Variants in SAMTOR observed in about 807,000 individuals in gnomAD.
SAMTOR encodes the protein UPF0532 protein C7orf60.
At chr7:112,902,172 G>A in the SAMTOR span, among the ~76,000 whole-genome samples, 1 of 151,946 alleles carries the variant, frequency 6.6e-6, no homozygotes, top group Non-Finnish European at 1.5e-5. Context: ...GGAGGCCGAG[G>A]TGGGTGGATC....
chr7:112,894,202 GGGAGAGA>G, the SAMTOR span, among the ~76,000 whole-genome samples: 1 of 151,790 alleles, frequency 6.6e-6, no homozygotes, highest in Non-Finnish European at 1.5e-5. Context: ...GGGAAGAGTG[GGGAGAGA>G]GGAGAGGGGA....
chr7:112,886,607 T>C, the SAMTOR span, among the ~76,000 whole-genome samples: 1 of 152,338 alleles, frequency 6.6e-6, no homozygotes, highest in African/African-American at 2.4e-5. Flanking sequence ...CAGCTTATGT[T>C]TGAGCCGTAC....
At chr7:112,821,594 T>A in the SAMTOR span, 1 of 677,414 alleles carries the variant, frequency 1.5e-6, no homozygotes, top group South Asian at 3.0e-5. Flanking sequence ...ATTTTAAAAT[T>A]GAGAAGTAGA....
chr7:112,839,511 T>C, the SAMTOR span, among the ~76,000 whole-genome samples: 2 of 151,786 alleles, frequency 1.3e-5, no homozygotes, highest in Non-Finnish European at 2.9e-5. Context: ...CTGGCAGACA[T>C]CACCTTAGTC....
the SAMTOR span, among the ~76,000 whole-genome samples, chr7:112,831,572 T>C: frequency 3.4e-4 from 51 of 152,124 alleles, no homozygotes; most frequent in Non-Finnish European, 5.4e-4. Context: ...GGAGAATCAC[T>C]GGAACCCGGG....
At chr7:112,852,780 C>T in the SAMTOR span, among the ~76,000 whole-genome samples, 1 of 151,896 alleles carries the variant, frequency 6.6e-6, no homozygotes, top group East Asian at 1.9e-4. Context: ...TAATATACAT[C>T]TAACAGCAGC....
the SAMTOR span, among the ~76,000 whole-genome samples, chr7:112,854,161 T>A: frequency 6.6e-6 from 1 of 152,134 alleles, no homozygotes. Context: ...TTAGAAAATA[T>A]CTGACTCTGC....
chr7:112,917,230 G>A, the SAMTOR span, among the ~76,000 whole-genome samples: 5 of 152,146 alleles, frequency 3.3e-5, no homozygotes, highest in Non-Finnish European at 7.3e-5. Context: ...CACCTCACAC[G>A]GCCGGGTACT....
the SAMTOR span, chr7:112,832,427 G>A: frequency 1.6e-6 from 1 of 632,278 alleles, no homozygotes; most frequent in Admixed American, 3.1e-5. Flanking sequence ...TTCACAAAAT[G>A]TATTTAGTTT....
chr7:112,895,779 A>C, the SAMTOR span: 1 of 1,345,850 alleles, frequency 7.4e-7, no homozygotes, highest in African/African-American at 1.5e-5. Context: ...CATACTGTGT[A>C]CGACTACAAA....
the SAMTOR span, among the ~76,000 whole-genome samples, chr7:112,857,871 C>A: frequency 6.6e-6 from 1 of 152,168 alleles, no homozygotes; most frequent in South Asian, 2.1e-4. Flanking sequence ...CAACCTATGA[C>A]ATCCCAGTAA....
chr7:112,824,828 T>G, the SAMTOR span, among the ~76,000 whole-genome samples: 1 of 152,222 alleles, frequency 6.6e-6, no homozygotes, highest in East Asian at 1.9e-4. Context: ...TATATTTCAC[T>G]GATATTCCTG....
At chr7:112,821,617 ACT>A in the SAMTOR span, 41 of 867,220 alleles carry the variant, frequency 4.7e-5, no homozygotes, top group Non-Finnish European at 6.6e-5. Flanking sequence ...AAAATAGCAA[ACT>A]CTGTAAACCT....
chr7:112,916,256 T>G, the SAMTOR span, among the ~76,000 whole-genome samples: 1 of 152,280 alleles, frequency 6.6e-6, no homozygotes, highest in Non-Finnish European at 1.5e-5. Context: ...AAAACATCAC[T>G]GTGATGACTA....
the SAMTOR span, among the ~76,000 whole-genome samples, chr7:112,896,403 G>A: frequency 1.0e-3 from 159 of 152,266 alleles, no homozygotes; most frequent in Admixed American, 4.6e-3. Flanking sequence ...GAATTGAAGA[G>A]CAAAGAATTC....
the SAMTOR span, among the ~76,000 whole-genome samples, chr7:112,916,036 CTTGCTCTAGGCATAATG>C: frequency 6.6e-6 from 1 of 152,180 alleles, no homozygotes. Context: ...CACACTTGGA[CTTGCTCTAGGCATAATG>C]TAGTTTAAAA....
the SAMTOR span, among the ~76,000 whole-genome samples, chr7:112,896,501 A>G: frequency 9.8e-5 from 15 of 152,334 alleles, no homozygotes; most frequent in African/African-American, 3.1e-4. Context: ...CATTAGTTCA[A>G]CTTCAGTTTT....
chr7:112,831,363 A>C, the SAMTOR span, among the ~76,000 whole-genome samples: 1 of 152,218 alleles, frequency 6.6e-6, no homozygotes, highest in Admixed American at 6.5e-5. Context: ...AAGGTAAAAG[A>C]AAGTTCAAGG....
chr7:112,896,081 T>C, the SAMTOR span, among the ~76,000 whole-genome samples: 13 of 152,286 alleles, frequency 8.5e-5, no homozygotes, highest in African/African-American at 2.4e-4. Context: ...CCAGAAGGAA[T>C]AGTAGTTGCA....
Sources: allele counts gnomAD v4.1 joint callset (sites outside exome capture counted in the v4.1 genomes callset), GRCh38; gene constraint gnomAD v4.1.1; transcripts MANE v1.5; gene names NCBI Gene and HGNC (gene_info 2026-07-23, HGNC 2026-07-21).